NUBPL: variants seen among roughly 807,000 people sequenced by gnomAD.
The protein encoded by NUBPL is NUBP iron-sulfur cluster assembly factor, mitochondrial.
A neutral mutation model predicts 45.7 loss-of-function variants in NUBPL; 31 were observed. The ratio of observed to expected loss-of-function variants is 0.68; its 90% CI spans 0.51 to 0.92. The LOEUF is 0.92. Ranked by LOEUF, NUBPL falls within the 40% of genes least tolerant of loss-of-function variation. The pLI is 0.00. For missense variants in NUBPL, 401 were observed against 398.7 expected (o/e 1.01, Z -0.05); for synonymous variants, 144 against 140.9 (o/e 1.02, Z -0.15).
intron 6 of NUBPL, among the ~76,000 whole-genome samples, chr14:31,679,066 A>G (rs775760890): frequency 2.6e-5 from 4 of 152,184 alleles, no homozygotes; most frequent in Admixed American, 2.0e-4. Flanking sequence ...TTTTGCTATG[A>G]TGGGGCAGCA....
chr14:31,762,719 C>T lies in NUBPL; in HGVS notation c.514-25061C>T, dbSNP rs577470613. On this transcript the variant is annotated intron_variant, in intron 6 of 10. Coordinates refer to ENST00000281081, the MANE Select transcript of NUBPL (RefSeq NM_025152.3). ...TTGTTGCTCCTGCACATTGGGACTT[C>T]TGTGGCCCACACTGCTAATGGGTGT... Among the ~76,000 whole-genome samples, 13 of 152,178 alleles carry T rather than the reference C, an allele frequency of 8.5e-5. No individual in the cohort carries two copies. The South Asian group carries it at 2.7e-3, about 32-fold the overall frequency.
chr14:31,823,403 A>G (rs1189912137), intron 7 of NUBPL, among the ~76,000 whole-genome samples: 1 of 152,142 alleles, frequency 6.6e-6, no homozygotes, highest in Admixed American at 6.5e-5. Flanking sequence ...TGTTTATATC[A>G]TATGAAAGCT....
At chr14:31,612,635 T>C (rs2034790378) in intron 4 of NUBPL, among the ~76,000 whole-genome samples, 1 of 146,134 alleles carries the variant, frequency 6.8e-6, no homozygotes, top group South Asian at 2.1e-4. Flanking sequence ...CACTCCAGCC[T>C]GGCAACAGAG....
intron 7 of NUBPL, among the ~76,000 whole-genome samples, chr14:31,806,015 G>C (rs1021552377): frequency 6.6e-6 from 1 of 152,086 alleles, no homozygotes; most frequent in Non-Finnish European, 1.5e-5. Flanking sequence ...TATGTGGTCA[G>C]GTTCTTACTA....
rs779154807 is a variant in NUBPL, at chr14:31,673,565, G to A, written c.504G>A (p.Leu168=). Residue 168 remains leucine (L), a synonymous_variant, in exon 6 of 11, where the codon TTG becomes TTA. Transcript: ENST00000281081. ...GLMVMSAIEK[L]LRQVDWGQLD... is the part of the protein sequence containing the mutation. Reference sequence around the variant, plus strand: ...TGGTAATGTCGGCCATTGAGAAATTGTTGAGGCAGGTAAGAATATTGCTTT... The same window carrying A: ...TGGTAATGTCGGCCATTGAGAAATTATTGAGGCAGGTAAGAATATTGCTTT... 1.8e-5 allele frequency: 29 copies of A among 1,612,994 alleles called. No homozygotes were observed. The highest frequency in any genetic ancestry group is 1.6e-4 in the African/African-American group (12 of 74,870).
At chr14:31,842,716 G>A (rs149016420) in intron 8 of NUBPL, among the ~76,000 whole-genome samples, 1 of 152,126 alleles carries the variant, frequency 6.6e-6, no homozygotes, top group African/African-American at 2.4e-5. Flanking sequence ...GGAATTACAG[G>A]CATAAGCCAC....
At chr14:31,717,223 G>C (rs1218649289) in intron 6 of NUBPL, among the ~76,000 whole-genome samples, 1 of 152,116 alleles carries the variant, frequency 6.6e-6, no homozygotes, top group Non-Finnish European at 1.5e-5. Context: ...TCACTTTGCT[G>C]TCTCTTGCTT....
At chr14:31,706,084 A>G (rs1218868068) in intron 6 of NUBPL, among the ~76,000 whole-genome samples, 1 of 152,196 alleles carries the variant, frequency 6.6e-6, no homozygotes, top group Non-Finnish European at 1.5e-5. Flanking sequence ...GAGCACAGCC[A>G]GAGTGGACAC....
At chr14:31,675,380 T>C (rs1005496151) in intron 6 of NUBPL, among the ~76,000 whole-genome samples, 13 of 152,240 alleles carry the variant, frequency 8.5e-5, no homozygotes, top group Admixed American at 1.3e-4. Flanking sequence ...ATGCTGATCA[T>C]CAGAGCTAAG....
chr14:31,655,199 T>C (rs2036112283), intron 4 of NUBPL, among the ~76,000 whole-genome samples: 1 of 152,232 alleles, frequency 6.6e-6, no homozygotes, highest in Non-Finnish European at 1.5e-5. Context: ...CAGGAGATTT[T>C]CAATTGATAG....
At chr14:31,579,283 G>A (rs1056698194) in intron 3 of NUBPL, among the ~76,000 whole-genome samples, 1 of 152,132 alleles carries the variant, frequency 6.6e-6, no homozygotes. Context: ...CTCCACATAC[G>A]CTTTTTCTTT....
chr14:31,591,948 A>G (rs2034153406), intron 3 of NUBPL, among the ~76,000 whole-genome samples: 1 of 152,206 alleles, frequency 6.6e-6, no homozygotes, highest in African/African-American at 2.4e-5. Flanking sequence ...TGGAGCTTAT[A>G]GTAAATAGAT....
chr14:31,787,935 A>G, intron 7 of NUBPL, 62 bp downstream of exon 7: 2 of 1,091,678 alleles, frequency 1.8e-6, no homozygotes, highest in East Asian at 4.8e-5. Context: ...TGCTATACCA[A>G]AAAACAAACT....
intron 8 of NUBPL, among the ~76,000 whole-genome samples, chr14:31,840,353 C>G (rs1306288800): frequency 6.6e-6 from 1 of 152,092 alleles, no homozygotes; most frequent in Non-Finnish European, 1.5e-5. Context: ...GCAGATGGAT[C>G]ACGAGGTCAG....
chr14:31,783,141 T>C (rs1214369440), intron 6 of NUBPL, among the ~76,000 whole-genome samples: 1 of 152,158 alleles, frequency 6.6e-6, no homozygotes, highest in African/African-American at 2.4e-5. Context: ...CTCCCTGAAC[T>C]GGGGGCTGGT....
intron 10 of NUBPL, among the ~76,000 whole-genome samples, chr14:31,857,878 C>G (rs1259750512): frequency 1.3e-5 from 2 of 152,186 alleles, no homozygotes; most frequent in African/African-American, 2.4e-5. Context: ...GCCCTCCAAA[C>G]TGTTCCAACT....
At chr14:31,645,789 T>C (rs2035835544) in intron 4 of NUBPL, among the ~76,000 whole-genome samples, 1 of 103,900 alleles carries the variant, frequency 9.6e-6, no homozygotes, top group Admixed American at 1.1e-4. Flanking sequence ...CCCCCCCACA[T>C]TTTGACTTTT....
At chr14:31,687,175 CTG>C (rs1275008315) in intron 6 of NUBPL, among the ~76,000 whole-genome samples, 1 of 152,136 alleles carries the variant, frequency 6.6e-6, no homozygotes, top group Non-Finnish European at 1.5e-5. Flanking sequence ...TCCTGTATAA[CTG>C]TGTTTGAACT....
chr14:31,583,925 T>C (rs934889655), intron 3 of NUBPL, among the ~76,000 whole-genome samples: 12 of 152,152 alleles, frequency 7.9e-5, no homozygotes, highest in Non-Finnish European at 2.9e-5. Context: ...TTAGATATAT[T>C]TTCCCAATGC....
Sources: allele counts gnomAD v4.1 joint callset (sites outside exome capture counted in the v4.1 genomes callset), GRCh38; gene constraint gnomAD v4.1.1; transcripts MANE v1.5; gene names NCBI Gene and HGNC (gene_info 2026-07-23, HGNC 2026-07-21).